The following RNF220 variants were observed in gnomAD, a reference collection of about 807,000 sequenced individuals.
The protein encoded by RNF220 is ring finger protein 220.
RNF220 carries 7 observed loss-of-function variants against 67.1 expected under a neutral mutation model. The observed-to-expected ratio is 0.10, with a 90% confidence interval of 0.06 to 0.20. The LOEUF (loss-of-function observed/expected upper bound fraction) is 0.20, where lower values mean the gene tolerates loss of function less well. Among genes scored for constraint, RNF220 ranks in the 10% least tolerant of loss-of-function variants. The probability of loss-of-function intolerance (pLI) is 1.00; values close to 1 mark genes in which losing one functional copy is unlikely to be tolerated. For synonymous variants in RNF220, 270 were observed against 283.2 expected (o/e 0.95, Z 0.47); for missense variants, 565 against 740.3 (o/e 0.76, Z 2.75).
intron 2 of RNF220, among the ~76,000 whole-genome samples, chr1:44,560,625 G>A (rs559153656): frequency 3.3e-5 from 5 of 152,254 alleles, no homozygotes; most frequent in South Asian, 2.1e-4. Context: ...GCAATGAGGC[G>A]ATCTCTGCTC....
At chr1:44,644,063 G>C (rs899212332) in intron 8 of RNF220, 1 of 153,614 alleles carries the variant, frequency 6.5e-6, no homozygotes, top group Non-Finnish European at 1.4e-5. Context: ...GTCCTCCCTC[G>C]TCTGTCCCTT....
In RNF220 at chr1:44,555,727, G is replaced by A. The variant is rs188322861; in HGVS notation, c.626-58438G>A. On this transcript the variant is annotated intron_variant, in intron 2 of 14. Transcript: ENST00000361799. ...CCTGACCTCATGATTCGCCTGCCTC[G>A]GCCTCCCAAAGTGCTGAGATTACAG... 2.9e-3 allele frequency among the ~76,000 whole-genome samples: 441 copies of A among 150,410 alleles called. 24 individuals are homozygous for A. The highest frequency in any genetic ancestry group is 0.011 in the African/African-American group (428 of 40,198).
In RNF220 at chr1:44,504,558, G is replaced by A. The variant is rs535011830; in HGVS notation, c.625+91836G>A. Among the ~76,000 whole-genome samples, 58 of 152,108 alleles carry A rather than the reference G, an allele frequency of 3.8e-4. 3 individuals are homozygous for A. The East Asian group carries it at 4.6e-3, about 12-fold the overall frequency. On this transcript the variant is annotated intron_variant, in intron 2 of 14. Transcript: ENST00000361799. The stretch of plus-strand genomic sequence containing the variant: ...CCGGGTTTGTGACAGCACATGACAC[G>A]ATTTGGCTCTCTGGAGCTTCTGGGT...
chr1:44,443,896 G>A (rs1449783941), intron 2 of RNF220, among the ~76,000 whole-genome samples: 1 of 152,170 alleles, frequency 6.6e-6, no homozygotes, highest in Non-Finnish European at 1.5e-5. Context: ...TTCGAGACCA[G>A]CCTGTCCAAC....
intron 2 of RNF220, among the ~76,000 whole-genome samples, chr1:44,587,455 A>T (rs1314724668): frequency 6.6e-6 from 1 of 152,024 alleles, no homozygotes; most frequent in African/African-American, 2.4e-5. Flanking sequence ...CCACTGTTGT[A>T]TCTTCTTTAA....
chr1:44,626,202 G>A, intron 4 of RNF220, 95 bp from the exon 5 acceptor site: 1 of 870,158 alleles, frequency 1.1e-6, no homozygotes, highest in Non-Finnish European at 1.9e-6. Flanking sequence ...CCTTCTCTTT[G>A]CCTGGCTCCC....
At chr1:44,490,925 A>T (rs1044004790) in intron 2 of RNF220, among the ~76,000 whole-genome samples, 12 of 152,276 alleles carry the variant, frequency 7.9e-5, no homozygotes, top group Non-Finnish European at 1.3e-4. Context: ...TTACAGAAAT[A>T]AAAAAAGCAT....
At chr1:44,582,016 C>G (rs1665317695) in intron 2 of RNF220, among the ~76,000 whole-genome samples, 1 of 152,210 alleles carries the variant, frequency 6.6e-6, no homozygotes, top group African/African-American at 2.4e-5. Flanking sequence ...CCAGCACTCA[C>G]CTTGGGAAGT....
At chr1:44,524,707 C>G (rs1458095727) in intron 2 of RNF220, among the ~76,000 whole-genome samples, 1 of 152,218 alleles carries the variant, frequency 6.6e-6, no homozygotes, top group African/African-American at 2.4e-5. Flanking sequence ...CTTTCTCCCC[C>G]TATTCAGGAC....
At chr1:44,641,104 G>GT (rs1222924755) in intron 8 of RNF220, among the ~76,000 whole-genome samples, 3 of 152,026 alleles carry the variant, frequency 2.0e-5, no homozygotes, top group African/African-American at 4.8e-5. Flanking sequence ...GAGAAGGGTC[G>GT]TTTTTATAAA....
intron 2 of RNF220, among the ~76,000 whole-genome samples, chr1:44,452,149 G>A (rs890500784): frequency 6.6e-6 from 1 of 152,190 alleles, no homozygotes; most frequent in African/African-American, 2.4e-5. Context: ...GGCTGTACAT[G>A]GGTTTGCTTC....
intron 2 of RNF220, among the ~76,000 whole-genome samples, chr1:44,551,463 G>C (rs1662630822): frequency 6.6e-6 from 1 of 151,890 alleles, no homozygotes; most frequent in Admixed American, 6.6e-5. Context: ...ATATTTTTGA[G>C]AATGTCTGAT....
chr1:44,647,601 A>C (rs1009952336), intron 12 of RNF220, among the ~76,000 whole-genome samples: 3 of 152,162 alleles, frequency 2.0e-5, no homozygotes, highest in Admixed American at 2.0e-4. Context: ...AGTGTCCCTG[A>C]TACAAGGACA....
intron 2 of RNF220, among the ~76,000 whole-genome samples, chr1:44,466,662 A>C (rs1654298791): frequency 6.6e-6 from 1 of 152,236 alleles, no homozygotes; most frequent in South Asian, 2.1e-4. Context: ...ATTCTTGTAC[A>C]TCTCCATCAG....
In RNF220 at chr1:44,439,680, G is replaced by A. The variant is rs1219695737; in HGVS notation, c.625+26958G>A. 5.3e-5 allele frequency among the ~76,000 whole-genome samples: 8 copies of A among 151,934 alleles called. No individual in the cohort carries two copies. The East Asian group carries it at 1.5e-3, about 29-fold the overall frequency. ...TTCCCTTTTGGCTTATCCTTAGAAA[G>A]CTGTAAGGCCACTTCTAATGAATCC... On this transcript the variant is annotated intron_variant, in intron 2 of 14. Transcript: ENST00000361799.
At chr1:44,637,150 C>T (rs181878217) in intron 8 of RNF220, among the ~76,000 whole-genome samples, 3 of 152,334 alleles carry the variant, frequency 2.0e-5, no homozygotes, top group East Asian at 3.9e-4. Context: ...TCTCTGCCTT[C>T]GTGGGGCCGT....
intron 2 of RNF220, among the ~76,000 whole-genome samples, chr1:44,455,541 T>TAA (rs1653093185): frequency 6.6e-6 from 1 of 152,174 alleles, no homozygotes; most frequent in African/African-American, 2.4e-5. Flanking sequence ...ATTTAATAAA[T>TAA]ATTTGATTAA....
intron 2 of RNF220, among the ~76,000 whole-genome samples, chr1:44,532,120 G>A (rs1402530955): frequency 6.6e-6 from 1 of 152,080 alleles, no homozygotes; most frequent in African/African-American, 2.4e-5. Flanking sequence ...CGCTCTTTAT[G>A]GTTTACAACG....
chr1:44,475,939 G>A (rs1006045380), intron 2 of RNF220, among the ~76,000 whole-genome samples: 1 of 151,322 alleles, frequency 6.6e-6, no homozygotes, highest in African/African-American at 2.4e-5. Flanking sequence ...TTGAACCTGG[G>A]AGGCAGAGGT....
Sources: gnomAD v4.1 joint callset for allele counts (sites outside exome capture counted in the v4.1 genomes callset) on GRCh38, gnomAD v4.1.1 for gene constraint, MANE v1.5 for transcripts, NCBI Gene and HGNC (gene_info 2026-07-23, HGNC 2026-07-21) for gene names.